The following TMEM17 variants were observed in gnomAD, a reference collection of about 807,000 sequenced individuals.
The protein encoded by TMEM17 is transmembrane protein 17.
A neutral mutation model predicts 19.1 loss-of-function variants in TMEM17; 15 were observed. The observed-to-expected ratio is 0.78, with a 90% CI of 0.52 to 1.21. The LOEUF is 1.21. Among genes scored for constraint, TMEM17 ranks in the 50% most tolerant of loss-of-function variants. The pLI is 0.00. For missense variants in TMEM17, 245 were observed against 242.3 expected, an observed-to-expected ratio of 1.01 and a Z score of -0.07; for synonymous variants, 103 against 86.9, an observed-to-expected ratio of 1.19 and a Z score of -1.03.
chr2:62,454,974 G>A, the TMEM17 span, among the ~76,000 whole-genome samples: 2 of 152,142 alleles, frequency 1.3e-5, no homozygotes, highest in Admixed American at 6.5e-5. Flanking sequence ...CAAAGTGCTG[G>A]GATTACAGGC....
chr2:62,475,418 C>T, the TMEM17 span, among the ~76,000 whole-genome samples: 2 of 152,256 alleles, frequency 1.3e-5, no homozygotes, highest in Non-Finnish European at 2.9e-5. Context: ...CTACGAGAGT[C>T]CCTGCCCACC....
the TMEM17 span, among the ~76,000 whole-genome samples, chr2:62,474,801 G>T: frequency 6.6e-6 from 1 of 152,006 alleles, no homozygotes; most frequent in Non-Finnish European, 1.5e-5. Flanking sequence ...ATCTTCCGAG[G>T]GTCTCTGACT....
downstream of TMEM17, among the ~76,000 whole-genome samples, chr2:62,497,606 C>T (rs1679807278): frequency 6.6e-6 from 1 of 152,212 alleles, no homozygotes; most frequent in East Asian, 1.9e-4. Context: ...TGTCTCTTCT[C>T]TGTAATCCTA....
At chr2:62,472,713 T>A in the TMEM17 span, among the ~76,000 whole-genome samples, 1 of 152,234 alleles carries the variant, frequency 6.6e-6, no homozygotes, top group Non-Finnish European at 1.5e-5. Context: ...GTAGATTGCT[T>A]TTGGGTTCTC....
chr2:62,482,208 G>A, the TMEM17 span, among the ~76,000 whole-genome samples: 1 of 152,188 alleles, frequency 6.6e-6, no homozygotes, highest in Non-Finnish European at 1.5e-5. Context: ...ATATAGGAAA[G>A]GGAATTCTGT....
chr2:62,456,747 A>T, the TMEM17 span, among the ~76,000 whole-genome samples: 1 of 152,238 alleles, frequency 6.6e-6, no homozygotes, highest in African/African-American at 2.4e-5. Flanking sequence ...TTCTGGAGGT[A>T]GGCCCTGGAG....
chr2:62,503,235 T>C (rs373824055), intron 1 of TMEM17, among the ~76,000 whole-genome samples: 6 of 152,240 alleles, frequency 3.9e-5, no homozygotes, highest in African/African-American at 1.4e-4. Flanking sequence ...AGGTTATAAT[T>C]AGACACATCT....
At chr2:62,466,744 A>G in the TMEM17 span, among the ~76,000 whole-genome samples, 1 of 152,168 alleles carries the variant, frequency 6.6e-6, no homozygotes, top group Non-Finnish European at 1.5e-5. Flanking sequence ...CCCGCCCATC[A>G]TCTCCCCTCT....
downstream of TMEM17, among the ~76,000 whole-genome samples, chr2:62,496,954 T>C (rs1573430073): frequency 1.3e-5 from 2 of 152,250 alleles, no homozygotes; most frequent in South Asian, 4.2e-4. Context: ...ACCCAGTCTC[T>C]AAAAGACAAC....
At chr2:62,497,562 T>C (rs1679806374), downstream of TMEM17, among the ~76,000 whole-genome samples, 1 of 152,224 alleles carries the variant, frequency 6.6e-6, no homozygotes, top group African/African-American at 2.4e-5. Context: ...TCACTTTCTT[T>C]GGGAAGGCTT....
the TMEM17 span, among the ~76,000 whole-genome samples, chr2:62,453,873 C>A: frequency 5.9e-5 from 9 of 152,224 alleles, no homozygotes; most frequent in Non-Finnish European, 1.0e-4. Context: ...AGAATAGATA[C>A]TTGCCTGTGC....
At chr2:62,473,516 G>A in the TMEM17 span, among the ~76,000 whole-genome samples, 804 of 152,292 alleles carry the variant, frequency 5.3e-3, 5 homozygotes, top group African/African-American at 0.019. Context: ...AAGGCCTCTT[G>A]GCTGCAGAAC....
chr2:62,498,732 A>T (rs1434772503), downstream of TMEM17, among the ~76,000 whole-genome samples: 4 of 151,126 alleles, frequency 2.6e-5, no homozygotes, highest in East Asian at 1.9e-4. Flanking sequence ...AAAATAAAAT[A>T]AAATAAAATA....
At chr2:62,485,959 CTG>C in the TMEM17 span, among the ~76,000 whole-genome samples, 1 of 152,202 alleles carries the variant, frequency 6.6e-6, no homozygotes, top group Non-Finnish European at 1.5e-5. Context: ...ATTTTAAAAA[CTG>C]TGCTTTTTTT....
chr2:62,481,978 C>T, the TMEM17 span, among the ~76,000 whole-genome samples: 2 of 152,190 alleles, frequency 1.3e-5, no homozygotes, highest in African/African-American at 2.4e-5. Flanking sequence ...GAAAAGCTGG[C>T]ATCCTCTGTC....
chr2:62,484,939 A>AT, the TMEM17 span, among the ~76,000 whole-genome samples: 15 of 152,224 alleles, frequency 9.9e-5, no homozygotes, highest in East Asian at 3.9e-4. Context: ...CAACTAATTC[A>AT]TAATTTTTTT....
chr2:62,504,929 C>T (rs1680024447), intron 1 of TMEM17, among the ~76,000 whole-genome samples: 1 of 152,186 alleles, frequency 6.6e-6, no homozygotes, highest in Admixed American at 6.5e-5. Context: ...AAAATATTTA[C>T]TATCTGGTCC....
downstream of TMEM17, among the ~76,000 whole-genome samples, chr2:62,496,247 G>A (rs1311384740): frequency 6.6e-6 from 1 of 152,026 alleles, no homozygotes; most frequent in Non-Finnish European, 1.5e-5. Flanking sequence ...TTTTAATTTG[G>A]CAATATGCCC....
the TMEM17 span, chr2:62,463,174 T>C: frequency 6.6e-6 from 1 of 152,132 alleles, no homozygotes; most frequent in Non-Finnish European, 1.5e-5. Flanking sequence ...GGGGAGAAGA[T>C]CACACACAGG....
Sources: allele counts gnomAD v4.1 joint callset (sites outside exome capture counted in the v4.1 genomes callset), GRCh38; gene constraint gnomAD v4.1.1; transcripts MANE v1.5; gene names NCBI Gene and HGNC (gene_info 2026-07-23, HGNC 2026-07-21).